Variants in EDIL3 observed in about 807,000 individuals in gnomAD.
EDIL3 encodes EGF-like repeat and discoidin I-like domain-containing protein 3.
A neutral mutation model predicts 67.4 loss-of-function variants in EDIL3; 37 were observed. That is an observed-to-expected ratio of 0.55 (90% confidence interval 0.42 to 0.72). EDIL3 has a LOEUF of 0.72. Ranked by LOEUF, EDIL3 falls within the 30% of genes least tolerant of loss-of-function variation. EDIL3 has a pLI of 0.00. For missense variants in EDIL3, 527 were observed against 586.3 expected (o/e 0.90, Z 1.04); for synonymous variants, 195 against 196.3 (o/e 0.99, Z 0.05).
intron 5 of EDIL3, among the ~76,000 whole-genome samples, chr5:84,108,420 A>G (rs1378185169): frequency 6.6e-6 from 1 of 152,116 alleles, no homozygotes; most frequent in Non-Finnish European, 1.5e-5. Flanking sequence ...AGATAATAAG[A>G]TCTTTTTTTA....
intron 1 of EDIL3, among the ~76,000 whole-genome samples, chr5:84,384,044 T>G (rs956001578): frequency 6.6e-6 from 1 of 152,120 alleles, no homozygotes; most frequent in Non-Finnish European, 1.5e-5. Context: ...GGGGACGCTG[T>G]CTTCTACCGC....
intron 4 of EDIL3, among the ~76,000 whole-genome samples, chr5:84,171,027 T>C (rs953323884): frequency 2.0e-5 from 3 of 152,108 alleles, no homozygotes; most frequent in Non-Finnish European, 4.4e-5. Context: ...ACTCCTGGCC[T>C]CAGGTGACCT....
chr5:84,176,038 T>A (rs1390770774), intron 4 of EDIL3, among the ~76,000 whole-genome samples: 1 of 151,622 alleles, frequency 6.6e-6, no homozygotes, highest in Non-Finnish European at 1.5e-5. Context: ...AAGTGATTCA[T>A]GACCCCAATA....
At chr5:84,046,726 A>G (rs1746230492) in intron 9 of EDIL3, among the ~76,000 whole-genome samples, 1 of 152,254 alleles carries the variant, frequency 6.6e-6, no homozygotes, top group South Asian at 2.1e-4. Flanking sequence ...CCATTCTTAC[A>G]GCTATGCTTT....
intron 4 of EDIL3, among the ~76,000 whole-genome samples, chr5:84,160,779 C>T (rs377736428): frequency 2.2e-3 from 121 of 55,844 alleles, no homozygotes; most frequent in African/African-American, 5.9e-3. Context: ...CCTTTCCTTT[C>T]CTTTCCTTTC....
At chr5:83,999,217 G>C (rs114382677) in intron 9 of EDIL3, among the ~76,000 whole-genome samples, 1 of 152,058 alleles carries the variant, frequency 6.6e-6, no homozygotes, top group African/African-American at 2.4e-5. Flanking sequence ...GAATAACTAC[G>C]TAAGTCTTCA....
chr5:84,000,476 A>G (rs1745313733), intron 9 of EDIL3, among the ~76,000 whole-genome samples: 1 of 152,180 alleles, frequency 6.6e-6, no homozygotes. Context: ...TCGCTTTTGC[A>G]ATCAAAGTTA....
At chr5:83,961,308 G>A (rs1744603269) in intron 10 of EDIL3, among the ~76,000 whole-genome samples, 2 of 150,996 alleles carry the variant, frequency 1.3e-5, no homozygotes, top group South Asian at 4.1e-4. Context: ...GTAACAGATA[G>A]TACAAGTAGA....
At chr5:84,287,527 G>C (rs1373252990) in intron 1 of EDIL3, among the ~76,000 whole-genome samples, 1 of 152,106 alleles carries the variant, frequency 6.6e-6, no homozygotes, top group Admixed American at 6.6e-5. Context: ...AATTCAGGTT[G>C]AATTTTGAAA....
chr5:84,263,539 G>C (rs966066699), intron 1 of EDIL3, among the ~76,000 whole-genome samples: 1 of 152,178 alleles, frequency 6.6e-6, no homozygotes, highest in Non-Finnish European at 1.5e-5. Flanking sequence ...ACGGGGCAGA[G>C]TTGGCATCCT....
At chr5:84,312,617 C>A (rs534728299) in intron 1 of EDIL3, among the ~76,000 whole-genome samples, 21 of 150,442 alleles carry the variant, frequency 1.4e-4, no homozygotes, top group Admixed American at 5.9e-4. Context: ...GGCTGACCCC[C>A]CCACCTCCTT....
chr5:84,075,093 GC>G (rs1383839035), intron 6 of EDIL3, among the ~76,000 whole-genome samples: 1 of 151,790 alleles, frequency 6.6e-6, no homozygotes, highest in Non-Finnish European at 1.5e-5. Flanking sequence ...GCAAACTATC[GC>G]AAGGACAAAA....
intron 9 of EDIL3, among the ~76,000 whole-genome samples, chr5:83,982,233 A>G (rs1744982617): frequency 6.6e-6 from 1 of 152,120 alleles, no homozygotes; most frequent in Non-Finnish European, 1.5e-5. Context: ...ATATGGCATA[A>G]TGCCTAGGTC....
intron 6 of EDIL3, among the ~76,000 whole-genome samples, chr5:84,076,648 T>C (rs1042785791): frequency 1.3e-5 from 2 of 152,234 alleles, no homozygotes; most frequent in Non-Finnish European, 2.9e-5. Context: ...ATTATTGGAA[T>C]GTATGAAACT....
intron 10 of EDIL3, among the ~76,000 whole-genome samples, chr5:83,950,482 G>A (rs190111127): frequency 2.0e-4 from 31 of 151,896 alleles, no homozygotes; most frequent in South Asian, 1.9e-3. Flanking sequence ...AACATCATGC[G>A]CCAGCGTGTG....
intron 1 of EDIL3, among the ~76,000 whole-genome samples, chr5:84,311,202 G>C (rs1561253227): frequency 1.3e-5 from 2 of 151,306 alleles, no homozygotes; most frequent in Non-Finnish European, 2.9e-5. Flanking sequence ...TTAGTTTTAG[G>C]TTACATGTAT....
At chr5:84,191,719 A>AT (rs200624456) in intron 3 of EDIL3, among the ~76,000 whole-genome samples, 345 of 151,906 alleles carry the variant, frequency 2.3e-3, no homozygotes, top group Admixed American at 4.5e-3. Flanking sequence ...GCAAACCAAT[A>AT]TTTTTTTTAA....
intron 4 of EDIL3, among the ~76,000 whole-genome samples, chr5:84,176,686 T>G (rs1265713918): frequency 2.6e-5 from 4 of 151,998 alleles, no homozygotes; most frequent in African/African-American, 9.7e-5. Flanking sequence ...AAGTTTGACC[T>G]GTAGACAATT....
chr5:84,319,943 T>C (rs765078896), intron 1 of EDIL3, among the ~76,000 whole-genome samples: 17 of 151,414 alleles, frequency 1.1e-4, no homozygotes, highest in Non-Finnish European at 2.5e-4. Context: ...TAAATGGGAG[T>C]TGAATAATGA....
Sources: gnomAD v4.1 joint callset for allele counts (sites outside exome capture counted in the v4.1 genomes callset) on GRCh38, gnomAD v4.1.1 for gene constraint, MANE v1.5 for transcripts, NCBI Gene and HGNC (gene_info 2026-07-23, HGNC 2026-07-21) for gene names.